ITPA: variants seen among roughly 807,000 people sequenced by gnomAD.
The protein encoded by ITPA is inosine triphosphatase, also known as inosine triphosphate pyrophosphatase.
A neutral mutation model predicts 29.6 loss-of-function variants in ITPA; 29 were observed. The observed-to-expected ratio is 0.98, with a 90% CI of 0.73 to 1.34. The LOEUF is 1.34. Ranked by LOEUF, ITPA falls within the 40% of genes most tolerant of loss-of-function variation. The pLI is 0.00. For synonymous variants in ITPA, 103 were observed against 99.3 expected (o/e 1.04, Z -0.22); for missense variants, 241 against 251.5 (o/e 0.96, Z 0.28).
At chr20:3,227,378 T>G, downstream of ITPA, 1 of 252,860 alleles carries the variant, frequency 4.0e-6, no homozygotes, top group Non-Finnish European at 7.9e-6. Flanking sequence ...CTCCCCAGAG[T>G]GGGGGTGGAG....
At chr20:3,216,971 C>A (rs1370027925) in intron 5 of ITPA, among the ~76,000 whole-genome samples, 1 of 151,926 alleles carries the variant, frequency 6.6e-6, no homozygotes, top group Non-Finnish European at 1.5e-5. Context: ...ACCTCTGCCT[C>A]CTGAGTTCAA....
At chr20:3,211,393 T>C (rs912389319) in intron 1 of ITPA, among the ~76,000 whole-genome samples, 1 of 152,100 alleles carries the variant, frequency 6.6e-6, no homozygotes, top group Non-Finnish European at 1.5e-5. Context: ...CTCTAACCCC[T>C]GACCTCAAGT....
intron 5 of ITPA, 152 bp from the exon 6 acceptor site, chr20:3,218,365 C>T: frequency 1.4e-6 from 1 of 691,242 alleles, no homozygotes; most frequent in Non-Finnish European, 2.7e-6. Context: ...CCTAGTCCCA[C>T]TGCCTTGGGC....
intron 6 of ITPA, 34 bp from the exon 7 acceptor site, chr20:3,221,807 C>T: frequency 6.2e-7 from 1 of 1,603,962 alleles, no homozygotes; most frequent in Non-Finnish European, 8.5e-7. Flanking sequence ...CCTCTGGACC[C>T]AGTTACACAC....
Position 3,218,625 on chromosome 20 carries a change from G to C in ITPA, c.404G>C (p.Arg135Pro). The change falls in exon 6 of 8, where the codon CGG (arginine) becomes CCG (proline). Residue 135 changes from arginine to proline, a missense_variant. Arg to Pro is a moderately radical substitution (Grantham distance 103). Transcript: ENST00000380113. ...PSQPVRLFRGRTSGRIVAPRG... is the reference protein window; with the variant it reads ...PSQPVRLFRGPTSGRIVAPRG... ...CAGCCCGTGCGCCTGTTCAGGGGCC[G>C]GACCTCGGTGCGTACCCACCTTGAT... 1.2e-6 allele frequency: 2 copies of C among 1,610,656 alleles called. No homozygotes were observed. Among genetic ancestry groups the C allele is most frequent in the Non-Finnish European group, 1.7e-6 (2 of 1,177,354 alleles).
At chr20:3,209,496 C>A (rs1022725461), upstream of ITPA, 1 of 1,534,464 alleles carries the variant, frequency 6.5e-7, no homozygotes, top group African/African-American at 1.4e-5. This position sits in a 1 kb window ranked among gnomAD's most constrained non-coding sequence, Gnocchi z 4.6. Flanking sequence ...CGGAAGTTTT[C>A]TGTCACTGGA....
At chr20:3,225,858 G>A (rs868425844), downstream of ITPA, among the ~76,000 whole-genome samples, 4 of 152,082 alleles carry the variant, frequency 2.6e-5, no homozygotes, top group Admixed American at 6.6e-5. Flanking sequence ...GTGAAACCCC[G>A]TCTCTACTAA....
chr20:3,205,226 G>T (rs188788867), upstream of ITPA, among the ~76,000 whole-genome samples: 47 of 152,294 alleles, frequency 3.1e-4, 1 homozygote, highest in Admixed American at 8.5e-4. Context: ...ACGAAAAGAG[G>T]CTTGGGACTG....
chr20:3,208,726 C>T (rs2067108380), upstream of ITPA: 1 of 152,460 alleles, frequency 6.6e-6, no homozygotes, highest in Admixed American at 6.5e-5. Flanking sequence ...AGAACTCAGA[C>T]TCCCTCCCTT....
At chr20:3,210,559 G>T (rs6037501) in intron 1 of ITPA, among the ~76,000 whole-genome samples, 31,042 of 152,060 alleles carry the variant, frequency 0.2, 3,385 homozygotes, top group South Asian at 0.39. Context: ...ACCTACATTT[G>T]CCTGTAGTGT....
chr20:3,209,370 C>A (rs548805912), upstream of ITPA: 30 of 684,410 alleles, frequency 4.4e-5, no homozygotes, highest in South Asian at 4.5e-4. The surrounding 1 kb of genome is among the most constrained non-coding windows in gnomAD (Gnocchi z 4.6). Flanking sequence ...GCAAATCGGA[C>A]GCTGTGGGCT....
At chr20:3,220,051 AAAAAAAAAAAAC>A (rs1355002129) in intron 6 of ITPA, among the ~76,000 whole-genome samples, 1 of 146,648 alleles carries the variant, frequency 6.8e-6, no homozygotes, top group Non-Finnish European at 1.5e-5. Flanking sequence ...CTCAAAAAAA[AAAAAAAAAAAAC>A]AAACCTTAAT....
chr20:3,205,891 C>G (rs1422910685), upstream of ITPA, among the ~76,000 whole-genome samples: 1 of 151,416 alleles, frequency 6.6e-6, no homozygotes, highest in Non-Finnish European at 1.5e-5. Context: ...CCTGTCTCTA[C>G]TAAAAATACA....
rs192180620 is a variant in ITPA, at chr20:3,219,702, G to A, written c.411+1070G>A. On this transcript the variant is annotated intron_variant, in intron 6 of 7. Coordinates refer to ENST00000380113, the MANE Select transcript of ITPA (RefSeq NM_033453.4). ...GGAGGTTGCAGTGAGCTGAGATCTC[G>A]CCACTGCACTCCAGCCTGGGCAACA... Among the ~76,000 whole-genome samples the A allele has an allele frequency of 4.1e-3, 595 of 144,852 alleles. 2 individuals carry two copies. The highest frequency in any genetic ancestry group is 0.015 in the African/African-American group (569 of 39,176).
At chr20:3,216,667 G>C (rs2067308217) in intron 5 of ITPA, among the ~76,000 whole-genome samples, 1 of 151,454 alleles carries the variant, frequency 6.6e-6, no homozygotes, top group Admixed American at 6.6e-5. Flanking sequence ...GGCCAGGCTG[G>C]TCTCGAACTC....
upstream of ITPA, chr20:3,204,631 G>T: frequency 3.2e-6 from 5 of 1,578,062 alleles, no homozygotes; most frequent in Non-Finnish European, 4.3e-6. Flanking sequence ...CCACCATGAC[G>T]AGGGCCTCAG....
chr20:3,210,861 G>A (rs1420837252), intron 1 of ITPA, among the ~76,000 whole-genome samples: 1 of 152,010 alleles, frequency 6.6e-6, no homozygotes, highest in East Asian at 1.9e-4. Context: ...GACCAGCCTG[G>A]CCAACATCAT....
At chr20:3,222,264 C>T (rs1006631010) in intron 7 of ITPA, among the ~76,000 whole-genome samples, 51 of 151,386 alleles carry the variant, frequency 3.4e-4, no homozygotes, top group African/African-American at 1.0e-3. Flanking sequence ...CTCTTGTTGC[C>T]CAGGCTGGAG....
rs916757421 is a variant in ITPA, at chr20:3,218,703, C to A, written c.411+71C>A. On this transcript the variant is annotated intron_variant, in intron 6 of 7. Coordinates refer to ENST00000380113, the MANE Select transcript of ITPA (RefSeq NM_033453.4). ...GTGCCGCGACCCGAGCCGACCGCCC[C>A]GAGTCTGCGGGAGGGTGGTGGGAGG... 1.1e-5 allele frequency: 13 copies of A among 1,216,546 alleles called. No individual in the cohort carries two copies. In the South Asian group the frequency reaches 1.3e-4, roughly 13 times the overall value. 75.4% of individuals were successfully genotyped at this position (1,216,546 alleles called of 1,614,324 possible).
Sources: allele counts gnomAD v4.1 joint callset (sites outside exome capture counted in the v4.1 genomes callset), GRCh38; gene constraint gnomAD v4.1.1; non-coding constraint Gnocchi (gnomAD v3.1); transcripts MANE v1.5; gene names NCBI Gene and HGNC (gene_info 2026-07-23, HGNC 2026-07-21).